GLIS3: variants seen among roughly 807,000 people sequenced by gnomAD.
GLIS3 encodes zinc finger protein GLIS3.
Under a neutral mutation model 78.6 loss-of-function variants are expected in GLIS3, and 53 were observed. The observed-to-expected ratio is 0.67, with a 90% CI of 0.54 to 0.85. The LOEUF (loss-of-function observed/expected upper bound fraction) is 0.85, where lower values mean the gene tolerates loss of function less well. Ranked by LOEUF, GLIS3 falls within the 40% of genes least tolerant of loss-of-function variation. The pLI is 0.00. For synonymous variants in GLIS3, 684 were observed against 509.9 expected (o/e 1.34, Z -4.60); for missense variants, 1,703 against 1,231.1 (o/e 1.38, Z -5.74).
the GLIS3 span, among the ~76,000 whole-genome samples, chr9:4,442,669 G>T: frequency 6.6e-6 from 1 of 151,160 alleles, no homozygotes; most frequent in East Asian, 1.9e-4. Context: ...CAAAGTCTTG[G>T]TTAGACTAAG....
chr9:3,988,594 C>G (rs1819963544), intron 4 of GLIS3, among the ~76,000 whole-genome samples: 1 of 152,078 alleles, frequency 6.6e-6, no homozygotes, highest in Non-Finnish European at 1.5e-5. Context: ...ACAACCCAGA[C>G]AGGCCCACAT....
At chr9:4,168,118 C>T (rs1164263652) in intron 2 of GLIS3, among the ~76,000 whole-genome samples, 1 of 152,126 alleles carries the variant, frequency 6.6e-6, no homozygotes, top group Non-Finnish European at 1.5e-5. Context: ...CAACTGAAAA[C>T]TCAGCAAGCA....
chr9:4,257,794 C>T (rs745427785), intron 2 of GLIS3, among the ~76,000 whole-genome samples: 2 of 151,982 alleles, frequency 1.3e-5, no homozygotes, highest in African/African-American at 4.8e-5. Context: ...GGGATGGTCT[C>T]GATCTCCTGA....
Position 4,244,237 on chromosome 9 carries a change from T to C in GLIS3, c.388+41801A>G, listed in dbSNP as rs1319283251. Reference sequence around the variant, plus strand: ...TCACCAGAATAGCTCATGTCCTTCATTGCCTGTGTGAAACGTACATGGCAC... The same window carrying C: ...TCACCAGAATAGCTCATGTCCTTCACTGCCTGTGTGAAACGTACATGGCAC... On this transcript the variant is annotated intron_variant, in intron 2 of 10. Coordinates refer to ENST00000381971, the MANE Select transcript of GLIS3 (RefSeq NM_001042413.2). Among the ~76,000 whole-genome samples the C allele has an allele frequency of 2.0e-5, 3 of 152,206 alleles. No individual in the cohort carries two copies. In the East Asian group the frequency reaches 5.8e-4, roughly 29 times the overall value.
At chr9:4,301,895 G>A (rs2130490551), upstream of GLIS3, among the ~76,000 whole-genome samples, 1 of 152,210 alleles carries the variant, frequency 6.6e-6, no homozygotes, top group East Asian at 1.9e-4. Context: ...GCCCAAGAGT[G>A]GGAATGTCAT....
At chr9:4,161,417 T>C (rs193141354) in intron 2 of GLIS3, among the ~76,000 whole-genome samples, 128 of 152,288 alleles carry the variant, frequency 8.4e-4, no homozygotes, top group African/African-American at 2.8e-3. Context: ...AGAATGTTTA[T>C]ACACATGGGG....
intron 2 of GLIS3, among the ~76,000 whole-genome samples, chr9:4,262,835 C>G (rs114291033): frequency 6.6e-6 from 1 of 150,624 alleles, no homozygotes; most frequent in African/African-American, 2.4e-5. Flanking sequence ...ATGACTTCAC[C>G]GAAAGGAATG....
chr9:4,256,205 A>G (rs1382075303), intron 2 of GLIS3, among the ~76,000 whole-genome samples: 1 of 152,204 alleles, frequency 6.6e-6, no homozygotes, highest in Non-Finnish European at 1.5e-5. Context: ...CAATGAGAAT[A>G]AGAGAGGCAA....
At chr9:4,199,735 G>C (rs570471357) in intron 2 of GLIS3, among the ~76,000 whole-genome samples, 2 of 152,180 alleles carry the variant, frequency 1.3e-5, no homozygotes, top group African/African-American at 4.8e-5. Context: ...CCCACTGACA[G>C]CATTAGACAG....
intron 4 of GLIS3, among the ~76,000 whole-genome samples, chr9:4,026,422 C>G (rs1418716112): frequency 6.6e-6 from 1 of 152,168 alleles, no homozygotes; most frequent in East Asian, 1.9e-4. Flanking sequence ...TTAACATGCA[C>G]TGAAGTATGA....
chr9:4,070,789 T>C (rs886604829), intron 4 of GLIS3: 2 of 152,190 alleles, frequency 1.3e-5, no homozygotes, highest in African/African-American at 4.8e-5. Context: ...AGTCATCTGT[T>C]GCCAGCAAGT....
At chr9:3,835,260 G>A (rs1410709973) in intron 9 of GLIS3, among the ~76,000 whole-genome samples, 1 of 152,168 alleles carries the variant, frequency 6.6e-6, no homozygotes, top group Non-Finnish European at 1.5e-5. Flanking sequence ...CCCCTTCCCT[G>A]CAGTAGGCTC....
intron 4 of GLIS3, among the ~76,000 whole-genome samples, chr9:3,940,309 A>G (rs1438955636): frequency 1.3e-5 from 2 of 152,174 alleles, no homozygotes; most frequent in East Asian, 1.9e-4. Context: ...TTTAATGAGC[A>G]AGCATGTCTC....
intron 4 of GLIS3, among the ~76,000 whole-genome samples, chr9:3,969,586 A>G (rs554044441): frequency 1.3e-5 from 2 of 152,344 alleles, no homozygotes; most frequent in South Asian, 4.1e-4. Context: ...TGTTTATAGT[A>G]ATCAGCACCT....
At chr9:4,093,704 C>G (rs1175668046) in intron 4 of GLIS3, among the ~76,000 whole-genome samples, 3 of 152,194 alleles carry the variant, frequency 2.0e-5, no homozygotes, top group African/African-American at 7.2e-5. Context: ...TGCTAACCCA[C>G]TGGCTGAGTT....
intron 2 of GLIS3, among the ~76,000 whole-genome samples, chr9:4,263,964 G>C (rs1370944845): frequency 6.6e-6 from 1 of 151,994 alleles, no homozygotes; most frequent in East Asian, 1.9e-4. Context: ...GCAGTCTTAT[G>C]ACATCAAATA....
At chr9:4,282,099 G>C (rs1347952650) in intron 2 of GLIS3, among the ~76,000 whole-genome samples, 1 of 152,190 alleles carries the variant, frequency 6.6e-6, no homozygotes, top group Admixed American at 6.5e-5. Flanking sequence ...TCAGATGCTT[G>C]TCTGTGTAGC....
chr9:3,934,112 C>T (rs1825764699), intron 5 of GLIS3, among the ~76,000 whole-genome samples: 1 of 152,192 alleles, frequency 6.6e-6, no homozygotes, highest in African/African-American at 2.4e-5. Flanking sequence ...TTATTATTGG[C>T]TAAAGTCACT....
At chr9:4,091,251 C>T (rs1289294284) in intron 4 of GLIS3, among the ~76,000 whole-genome samples, 1 of 151,778 alleles carries the variant, frequency 6.6e-6, no homozygotes, top group East Asian at 1.9e-4. Flanking sequence ...TCTGTAGTCC[C>T]AGCTACTTGG....
Sources: allele counts gnomAD v4.1 joint callset (sites outside exome capture counted in the v4.1 genomes callset), GRCh38; gene constraint gnomAD v4.1.1; transcripts MANE v1.5; gene names NCBI Gene and HGNC (gene_info 2026-07-23, HGNC 2026-07-21).